The following MOB3B variants were observed in gnomAD, a reference collection of about 807,000 sequenced individuals.
MOB3B encodes the protein MOB kinase activator 3B, also known as MOB kinase activator-like 2B.
Under a neutral mutation model 18.7 loss-of-function variants are expected in MOB3B, and 7 were observed. The observed-to-expected ratio is 0.37, with a 90% CI of 0.21 to 0.70. MOB3B has a LOEUF of 0.70. Among genes scored for constraint, MOB3B ranks in the 30% least tolerant of loss-of-function variants. The pLI is 0.52. For missense variants in MOB3B, 253 were observed against 281.3 expected (o/e 0.90, Z 0.72); for synonymous variants, 111 against 99.9 (o/e 1.11, Z -0.66).
chr9:27,397,601 T>C (rs557570039), intron 2 of MOB3B: 2 of 152,302 alleles, frequency 1.3e-5, no homozygotes, highest in Admixed American at 6.5e-5. Flanking sequence ...TAAATACTAT[T>C]TTTTTAGTTC....
Position 27,438,747 on chromosome 9 carries a change from G to A in MOB3B, c.418+16386C>T, listed in dbSNP as rs571173500. ...AATAACATGAAGTCCAATCAGCCCC[G>A]TGAGTCGCTGTAGACTGATAAGGGC... On this transcript the variant is annotated intron_variant, in intron 2 of 3. Transcript: ENST00000262244. Among the ~76,000 whole-genome samples, 14 of 152,256 alleles carry A rather than the reference G, an allele frequency of 9.2e-5. No individual in the cohort carries two copies. In the South Asian group the frequency reaches 1.5e-3, roughly 16 times the overall value.
Position 27,325,848 on chromosome 9 carries a change from G to C in MOB3B, c.*4739C>G, listed in dbSNP as rs1174006545. 1 of 152,056 alleles carries C rather than the reference G, an allele frequency of 6.6e-6. No homozygotes were observed. The highest frequency in any genetic ancestry group is 2.4e-5 in the African/African-American group (1 of 41,380). The allele number at this position is 152,056 out of a possible 1,614,324, so 9.4% of individuals were successfully genotyped here. A position where few individuals can be genotyped will look rare whatever the true frequency, so the allele number is the denominator to read the frequency against. Reference sequence around the variant, plus strand: ...CTCATGGAGTATGGAAGGGACATAAGGTTTAGAGAACATAGGAAGCAATTT... The same window carrying C: ...CTCATGGAGTATGGAAGGGACATAACGTTTAGAGAACATAGGAAGCAATTT... On this transcript the variant is annotated 3_prime_UTR_variant, in exon 4 of 4. Transcript: ENST00000262244.
At chr9:27,447,767 G>T (rs963978295) in intron 2 of MOB3B, among the ~76,000 whole-genome samples, 1 of 152,146 alleles carries the variant, frequency 6.6e-6, no homozygotes. Context: ...TGCAGTATTG[G>T]GTTCACAAGG....
intron 2 of MOB3B, among the ~76,000 whole-genome samples, chr9:27,394,765 CT>C (rs140413029): frequency 0.086 from 12,947 of 150,248 alleles, 619 homozygotes; most frequent in South Asian, 0.13. Flanking sequence ...TCTTAACTGA[CT>C]TTTTTTTTTC....
At chr9:27,444,590 C>A (rs1822661787) in intron 2 of MOB3B, among the ~76,000 whole-genome samples, 1 of 152,134 alleles carries the variant, frequency 6.6e-6, no homozygotes, top group Admixed American at 6.5e-5. Flanking sequence ...ACACTACTTT[C>A]ATCTTGTTTT....
intron 1 of MOB3B, among the ~76,000 whole-genome samples, chr9:27,496,493 T>C (rs954772055): frequency 6.6e-6 from 1 of 152,244 alleles, no homozygotes; most frequent in Admixed American, 6.5e-5. Context: ...CAGTATAATG[T>C]CAACTTCTAA....
intron 1 of MOB3B, among the ~76,000 whole-genome samples, chr9:27,492,920 T>G (rs1285608770): frequency 6.6e-6 from 1 of 152,160 alleles, no homozygotes; most frequent in Admixed American, 6.5e-5. Flanking sequence ...TCTATGAACG[T>G]CTGATTTCTA....
chr9:27,407,821 A>G (rs750161934), intron 2 of MOB3B, among the ~76,000 whole-genome samples: 3 of 152,094 alleles, frequency 2.0e-5, no homozygotes, highest in Non-Finnish European at 4.4e-5. Flanking sequence ...TGGGAGGTCT[A>G]TTTGCTCCTA....
chr9:27,385,048 A>G (rs1821631318), intron 2 of MOB3B, among the ~76,000 whole-genome samples: 1 of 152,224 alleles, frequency 6.6e-6, no homozygotes, highest in South Asian at 2.1e-4. Flanking sequence ...CCTAGAAAGT[A>G]GCATCAAGTC....
chr9:27,508,146 G>A (rs1820087243), intron 1 of MOB3B, among the ~76,000 whole-genome samples: 1 of 152,144 alleles, frequency 6.6e-6, no homozygotes, highest in Non-Finnish European at 1.5e-5. Flanking sequence ...ACGTACTCAG[G>A]ATATCAAAAT....
chr9:27,385,076 G>T (rs545676662), intron 2 of MOB3B, among the ~76,000 whole-genome samples: 2 of 152,172 alleles, frequency 1.3e-5, no homozygotes, highest in Non-Finnish European at 2.9e-5. Context: ...TTTAATTATC[G>T]TTGCATGGCC....
chr9:27,511,148 T>A (rs186510772), intron 1 of MOB3B, among the ~76,000 whole-genome samples: 1 of 152,026 alleles, frequency 6.6e-6, no homozygotes, highest in Non-Finnish European at 1.5e-5. Flanking sequence ...TTAAAAGTCT[T>A]TCTCAAAAAA....
chr9:27,369,643 A>G (rs1359600765), intron 2 of MOB3B, among the ~76,000 whole-genome samples: 1 of 152,220 alleles, frequency 6.6e-6, no homozygotes, highest in Admixed American at 6.5e-5. Flanking sequence ...GTGGTCCACC[A>G]TCATTTCTGG....
rs901596926 is a variant in MOB3B, at chr9:27,326,726, G to A, written c.*3861C>T. On this transcript the variant is annotated 3_prime_UTR_variant, in exon 4 of 4. Coordinates refer to ENST00000262244, the MANE Select transcript of MOB3B (RefSeq NM_024761.5). Reference sequence around the variant, plus strand: ...AGAAAATACCCAGGGAAGAGAAAACGAACAATTTAAGAAGCAGGAAATGAC... The same window carrying A: ...AGAAAATACCCAGGGAAGAGAAAACAAACAATTTAAGAAGCAGGAAATGAC... The A allele has an allele frequency of 3.8e-5, 15 of 396,918 alleles. No individual in the cohort carries two copies. Among genetic ancestry groups the A allele is most frequent in the African/African-American group, 1.9e-4 (9 of 48,582 alleles). 24.6% of individuals were successfully genotyped at this position (396,918 alleles called of 1,614,324 possible).
In MOB3B at chr9:27,330,332, C is replaced by T. The variant is rs1337208426; in HGVS notation, c.*255G>A. On this transcript the variant is annotated 3_prime_UTR_variant, in exon 4 of 4. Coordinates refer to ENST00000262244, the MANE Select transcript of MOB3B (RefSeq NM_024761.5). ...AGAGGCTTCCTCGTGGACAATTCCC[C>T]AGCCAGAACGGTCAAGGGGCTGGTC... The T allele has an allele frequency of 9.4e-6, 4 of 426,502 alleles. No homozygotes were observed. Among genetic ancestry groups the T allele is most frequent in the African/African-American group, 8.1e-5 (4 of 49,396 alleles). The allele number at this position is 426,502 out of a possible 1,614,324, so 26.4% of individuals were successfully genotyped here.
At chr9:27,499,772 A>ACAG (rs961620570) in intron 1 of MOB3B, among the ~76,000 whole-genome samples, 2 of 152,154 alleles carry the variant, frequency 1.3e-5, no homozygotes, top group African/African-American at 4.8e-5. Context: ...CTGCACTAGT[A>ACAG]CAGAAAAACA....
chr9:27,355,606 C>G (rs1020722759), intron 3 of MOB3B, among the ~76,000 whole-genome samples: 4 of 149,566 alleles, frequency 2.7e-5, no homozygotes, highest in Non-Finnish European at 4.4e-5. Flanking sequence ...TTTGCCCAGG[C>G]CGGACTGCAG....
chr9:27,524,681 A>T, intron 1 of MOB3B: 1 of 1,614,090 alleles, frequency 6.2e-7, no homozygotes, highest in Non-Finnish European at 8.5e-7. Context: ...AACAAATCCA[A>T]ATAGGACTTG....
At chr9:27,463,431 A>T (rs1434524375) in intron 1 of MOB3B, among the ~76,000 whole-genome samples, 1 of 152,174 alleles carries the variant, frequency 6.6e-6, no homozygotes, top group Non-Finnish European at 1.5e-5. Flanking sequence ...TTGGGTAGTT[A>T]AAGAAAAAAA....
Sources: allele counts gnomAD v4.1 joint callset (sites outside exome capture counted in the v4.1 genomes callset), GRCh38; gene constraint gnomAD v4.1.1; transcripts MANE v1.5; gene names NCBI Gene and HGNC (gene_info 2026-07-23, HGNC 2026-07-21).